CDH18: variants seen among roughly 807,000 people sequenced by gnomAD.
The protein encoded by CDH18 is cadherin 18, also known as cadherin-18.
In CDH18, 31 loss-of-function variants were observed where a neutral mutation model predicts 67.9. That is an observed-to-expected ratio of 0.46 (90% CI 0.34 to 0.62). CDH18 has a LOEUF of 0.62. CDH18 is among the 20% of genes least tolerant of loss of function. The pLI is 0.01. For missense variants in CDH18, 890 were observed against 975.5 expected (o/e 0.91, Z 1.17); for synonymous variants, 362 against 347.2 (o/e 1.04, Z -0.48).
At chr5:20,226,092 T>C (rs906750137) in intron 2 of CDH18, among the ~76,000 whole-genome samples, 3 of 152,056 alleles carry the variant, frequency 2.0e-5, no homozygotes, top group Non-Finnish European at 4.4e-5. Flanking sequence ...AACAAGAATT[T>C]GAGTCGGAAA....
intron 2 of CDH18, among the ~76,000 whole-genome samples, chr5:20,043,550 T>C (rs1023105021): frequency 6.6e-6 from 1 of 152,170 alleles, no homozygotes; most frequent in African/African-American, 2.4e-5. Context: ...TATACAACCT[T>C]TCATGGTCCT....
chr5:19,510,026 T>C (rs532406369), intron 10 of CDH18, among the ~76,000 whole-genome samples: 5 of 152,268 alleles, frequency 3.3e-5, no homozygotes, highest in African/African-American at 9.6e-5. Flanking sequence ...CTCTTTGACA[T>C]AGCTACATGC....
chr5:20,232,889 T>C (rs1742182523), intron 2 of CDH18, among the ~76,000 whole-genome samples: 1 of 152,038 alleles, frequency 6.6e-6, no homozygotes, highest in Non-Finnish European at 1.5e-5. Flanking sequence ...AGAAAGAGTA[T>C]TCCATTTTAG....
intron 1 of CDH18, among the ~76,000 whole-genome samples, chr5:20,478,365 A>T (rs1315593487): frequency 2.6e-5 from 4 of 152,150 alleles, no homozygotes; most frequent in Non-Finnish European, 4.4e-5. Context: ...GGCCAGAGGA[A>T]TGTCTGCTGC....
chr5:19,945,919 A>G (rs1308745069), intron 2 of CDH18, among the ~76,000 whole-genome samples: 3 of 152,138 alleles, frequency 2.0e-5, no homozygotes, highest in African/African-American at 7.2e-5. Context: ...AGTTAGAAAA[A>G]TAAGGAGAAA....
At chr5:20,534,423 T>C (rs1244477141) in intron 1 of CDH18, among the ~76,000 whole-genome samples, 1 of 152,078 alleles carries the variant, frequency 6.6e-6, no homozygotes, top group Admixed American at 6.6e-5. Flanking sequence ...ATGAAATGAA[T>C]ATGTATATTT....
chr5:20,540,514 A>G (rs775892971), intron 1 of CDH18, among the ~76,000 whole-genome samples: 2 of 152,178 alleles, frequency 1.3e-5, no homozygotes, highest in African/African-American at 2.4e-5. Context: ...GTGATAGCCA[A>G]ACATGTTTGA....
At chr5:20,036,714 G>C (rs1739896706) in intron 2 of CDH18, among the ~76,000 whole-genome samples, 1 of 152,084 alleles carries the variant, frequency 6.6e-6, no homozygotes. Context: ...ACAGTGGAGT[G>C]TTAAAGTCTC....
In CDH18 at chr5:20,233,608, G is replaced by A. The variant is rs115085283; in HGVS notation, c.-518+21836C>T. 1.6e-3 allele frequency among the ~76,000 whole-genome samples: 250 copies of A among 151,790 alleles called. 1 individual carries two copies. Among genetic ancestry groups the A allele is most frequent in the African/African-American group, 3.8e-3 (158 of 41,420 alleles). On this transcript the variant is annotated intron_variant, in intron 2 of 14. Coordinates refer to the CDH18 transcript ENST00000507958. ...TTTCAGTACACACATATGTACACAC[G>A]CATGTATATACATATACACACACAG...
chr5:20,404,583 A>G (rs1746062374), intron 1 of CDH18, among the ~76,000 whole-genome samples: 1 of 152,166 alleles, frequency 6.6e-6, no homozygotes, highest in Non-Finnish European at 1.5e-5. Context: ...TAGAGCACCC[A>G]TAACACACAC....
At chr5:19,677,236 G>A (rs112669949) in intron 5 of CDH18, among the ~76,000 whole-genome samples, 30 of 152,052 alleles carry the variant, frequency 2.0e-4, no homozygotes, top group African/African-American at 6.0e-4. Context: ...AGCCAGAAGC[G>A]ATTGGGGATG....
At chr5:20,163,643 T>A (rs766465838) in intron 2 of CDH18, among the ~76,000 whole-genome samples, 1 of 152,210 alleles carries the variant, frequency 6.6e-6, no homozygotes, top group Non-Finnish European at 1.5e-5. Context: ...CCAATGTGCA[T>A]TTAGGTAGAA....
intron 2 of CDH18, among the ~76,000 whole-genome samples, chr5:20,200,805 A>G (rs1739391452): frequency 6.6e-6 from 1 of 152,196 alleles, no homozygotes; most frequent in Non-Finnish European, 1.5e-5. Flanking sequence ...CCCACGATAT[A>G]TAATTAAAAT....
At chr5:20,245,862 T>A (rs1743334913) in intron 2 of CDH18, among the ~76,000 whole-genome samples, 1 of 152,060 alleles carries the variant, frequency 6.6e-6, no homozygotes, top group Non-Finnish European at 1.5e-5. Context: ...CAGAAGGGAG[T>A]AATATATACC....
intron 2 of CDH18, among the ~76,000 whole-genome samples, chr5:19,870,739 T>C (rs17222899): frequency 0.33 from 50,139 of 151,878 alleles, 8,733 homozygotes; most frequent in South Asian, 0.4. Context: ...TGAATGCAGA[T>C]GGTGGAGATT....
chr5:19,628,470 T>C (rs1250250250), intron 5 of CDH18, among the ~76,000 whole-genome samples: 1 of 152,104 alleles, frequency 6.6e-6, no homozygotes, highest in Non-Finnish European at 1.5e-5. Context: ...AGAAATGAAA[T>C]AAAGTTAGTT....
chr5:20,164,390 G>A (rs572861082), intron 2 of CDH18, among the ~76,000 whole-genome samples: 14 of 152,140 alleles, frequency 9.2e-5, no homozygotes, highest in Admixed American at 7.2e-4. Flanking sequence ...AGGTTCAAGC[G>A]ACTCTCCTGC....
chr5:20,269,290 T>A (rs1484825493), intron 1 of CDH18, among the ~76,000 whole-genome samples: 1 of 152,072 alleles, frequency 6.6e-6, no homozygotes, highest in Non-Finnish European at 1.5e-5. Flanking sequence ...GGAGTGTAAA[T>A]TAGTGCAGTC....
chr5:19,601,111 A>G (rs554872780), intron 6 of CDH18, among the ~76,000 whole-genome samples: 50 of 152,300 alleles, frequency 3.3e-4, no homozygotes, highest in African/African-American at 1.2e-3. Flanking sequence ...GTGGTGTTTC[A>G]ACTTGCTCTT....
Sources: gnomAD v4.1 joint callset for allele counts (sites outside exome capture counted in the v4.1 genomes callset) on GRCh38, gnomAD v4.1.1 for gene constraint, MANE v1.5 for transcripts, NCBI Gene and HGNC (gene_info 2026-07-23, HGNC 2026-07-21) for gene names.